The following SERPINA9 variants were observed in gnomAD, a reference collection of about 807,000 sequenced individuals.
SERPINA9 encodes serpin A9.
In SERPINA9, 32 loss-of-function variants were observed where a neutral mutation model predicts 24.5. That is an observed-to-expected ratio of 1.30 (90% CI 0.98 to 1.75). The LOEUF is 1.75. Ranked by LOEUF, SERPINA9 falls within the 40% of genes most tolerant of loss-of-function variation. SERPINA9 has a pLI of 0.00. For missense variants in SERPINA9, 594 were observed against 497.1 expected (o/e 1.19, Z -1.85); for synonymous variants, 233 against 197.7 (o/e 1.18, Z -1.50).
intron 1 of SERPINA9, among the ~76,000 whole-genome samples, chr14:94,472,661 A>C (rs1899378859): frequency 6.6e-6 from 1 of 152,258 alleles, no homozygotes; most frequent in South Asian, 2.1e-4. Context: ...CTGGGAAGAC[A>C]GACAATTAGC....
chr14:94,471,681 CTT>C (rs1451216686), intron 1 of SERPINA9, among the ~76,000 whole-genome samples: 1 of 152,176 alleles, frequency 6.6e-6, no homozygotes. Flanking sequence ...CTACTGGACT[CTT>C]TGCCAACCTG....
At chr14:94,471,625 A>G (rs1016207872) in intron 1 of SERPINA9, among the ~76,000 whole-genome samples, 1 of 152,118 alleles carries the variant, frequency 6.6e-6, no homozygotes, top group African/African-American at 2.4e-5. Context: ...CTGTTTGACT[A>G]AAGTGGAATT....
intron 1 of SERPINA9, among the ~76,000 whole-genome samples, chr14:94,475,653 C>T (rs367745881): frequency 6.6e-6 from 1 of 152,276 alleles, no homozygotes; most frequent in African/African-American, 2.4e-5. Flanking sequence ...GTCCCCCTTC[C>T]TGGGCCTTAG....
At chr14:94,467,443 C>A in intron 2 of SERPINA9, 61 bp from the exon 3 acceptor site, 1 of 1,455,204 alleles carries the variant, frequency 6.9e-7, no homozygotes, top group Non-Finnish European at 9.3e-7. Flanking sequence ...GCAAAGACAG[C>A]AAACTGAAAT....
chr14:94,470,204 A>T (rs1899245414), intron 1 of SERPINA9: 1 of 1,029,256 alleles, frequency 9.7e-7, no homozygotes, highest in Non-Finnish European at 1.2e-6. Context: ...TTAAGAATTG[A>T]GTATGTGAAC....
chr14:94,475,438 ACAC>A (rs2139828160), intron 1 of SERPINA9, among the ~76,000 whole-genome samples: 1 of 8,378 alleles, frequency 1.2e-4, no homozygotes. Context: ...ACACACACAT[ACAC>A]ACACACACAC....
At chr14:94,473,478 C>G (rs1042034366) in intron 1 of SERPINA9, among the ~76,000 whole-genome samples, 1 of 143,472 alleles carries the variant, frequency 7.0e-6, no homozygotes, top group Non-Finnish European at 1.5e-5. Flanking sequence ...GAGATCAGGC[C>G]ATTGCACTCC....
rs750901930 is a variant in SERPINA9, at chr14:94,469,848, C to A, written c.-8G>T. On this transcript the variant is annotated 5_prime_UTR_variant, in exon 2 of 5. Coordinates refer to ENST00000674397, the MANE Select transcript of SERPINA9 (RefSeq NM_175739.4). ...ATAAAGGTAAGATGCCATTTTGGAA[C>A]AAAATATGTCTGCAAGAGAAGTAAG... The A allele has an allele frequency of 2.0e-6, 3 of 1,507,684 alleles. No individual in the cohort carries two copies. The highest frequency in any genetic ancestry group is 2.7e-6 in the Non-Finnish European group (3 of 1,128,632). 93.4% of individuals were successfully genotyped at this position (1,507,684 alleles called of 1,614,324 possible). A position where few individuals can be genotyped will look rare whatever the true frequency, so the allele number is the denominator to read the frequency against.
At chr14:94,475,610 T>C (rs2139829146) in intron 1 of SERPINA9, among the ~76,000 whole-genome samples, 2 of 152,206 alleles carry the variant, frequency 1.3e-5, no homozygotes, top group South Asian at 2.1e-4. Context: ...ACTCCACCAA[T>C]AAAGCAGAGG....
At chr14:94,471,448 G>A (rs1034666945) in intron 1 of SERPINA9, among the ~76,000 whole-genome samples, 6 of 152,142 alleles carry the variant, frequency 3.9e-5, no homozygotes, top group Non-Finnish European at 5.9e-5. Context: ...CTGTGGAAAT[G>A]AAATATGTAA....
chr14:94,474,457 G>C (rs1458845313), intron 1 of SERPINA9, among the ~76,000 whole-genome samples: 6 of 152,196 alleles, frequency 3.9e-5, no homozygotes, highest in Non-Finnish European at 2.9e-5. Context: ...TTCAGGAAGA[G>C]GTGGTCTCAA....
At chr14:94,472,975 A>G (rs1899395878) in intron 1 of SERPINA9, among the ~76,000 whole-genome samples, 1 of 152,144 alleles carries the variant, frequency 6.6e-6, no homozygotes, top group African/African-American at 2.4e-5. Flanking sequence ...AGCTGCCGAG[A>G]GAGGGGGCCC....
intron 1 of SERPINA9, among the ~76,000 whole-genome samples, chr14:94,475,579 CT>C (rs1280364028): frequency 6.6e-6 from 1 of 152,052 alleles, no homozygotes; most frequent in Non-Finnish European, 1.5e-5. Context: ...CCAGTCGCCC[CT>C]CTCTCTCCCC....
intron 3 of SERPINA9, 77 bp downstream of exon 3, chr14:94,467,032 T>C: frequency 6.7e-7 from 1 of 1,503,528 alleles, no homozygotes; most frequent in Non-Finnish European, 9.1e-7. Flanking sequence ...CCAACAGCTG[T>C]TAGCACAATC....
rs138357251 is a variant in SERPINA9, at chr14:94,476,013, A to G, written c.-18+123T>C. ...CTACTAAAAGCCAACTAATGTGTCT[A>G]GGTTCTCATCTTATTTGACTTCCCA... On this transcript the variant is annotated intron_variant, in intron 1 of 4. Transcript: ENST00000674397. The G allele has an allele frequency of 1.8e-5, 26 of 1,458,386 alleles. No homozygotes were observed. In the South Asian group the frequency reaches 2.6e-4, roughly 15 times the overall value. The allele number at this position is 1,458,386 out of a possible 1,614,324, so 90.3% of individuals were successfully genotyped here. A position where few individuals can be genotyped will look rare whatever the true frequency, so the allele number is the denominator to read the frequency against.
intron 1 of SERPINA9, among the ~76,000 whole-genome samples, chr14:94,474,538 C>T (rs755006760): frequency 7.9e-5 from 12 of 152,122 alleles, no homozygotes; most frequent in Non-Finnish European, 1.6e-4. Context: ...GGGGGAAAAC[C>T]GTGGCCAAAG....
chr14:94,471,866 G>T (rs1278945870), intron 1 of SERPINA9, among the ~76,000 whole-genome samples: 1 of 151,942 alleles, frequency 6.6e-6, no homozygotes, highest in Non-Finnish European at 1.5e-5. Context: ...GACATCGCAA[G>T]CCCCAGCTTC....
At chr14:94,474,973 A>G (rs568516166) in intron 1 of SERPINA9, among the ~76,000 whole-genome samples, 2 of 152,114 alleles carry the variant, frequency 1.3e-5, no homozygotes, top group East Asian at 3.9e-4. Context: ...CAAGAGCTTT[A>G]TTTATTGGGC....
At chr14:94,464,308 T>TCTCC (rs756527771) in intron 4 of SERPINA9, 4,705 of 84,816 alleles carry the variant, frequency 0.055, 563 homozygotes, top group African/African-American at 0.16. Context: ...TCTCTCTCTC[T>TCTCC]CTCTCTCTCT....
Sources: gnomAD v4.1 joint callset for allele counts (sites outside exome capture counted in the v4.1 genomes callset) on GRCh38, gnomAD v4.1.1 for gene constraint, MANE v1.5 for transcripts, NCBI Gene and HGNC (gene_info 2026-07-23, HGNC 2026-07-21) for gene names.